The following IL22RA1 variants were observed in gnomAD, a reference collection of about 807,000 sequenced individuals.
The protein encoded by IL22RA1 is interleukin 22 receptor subunit alpha 1.
A neutral mutation model predicts 32.8 loss-of-function variants in IL22RA1; 25 were observed. That is an observed-to-expected ratio of 0.76 (90% CI 0.55 to 1.06). The LOEUF (loss-of-function observed/expected upper bound fraction) is 1.06, where lower values mean the gene tolerates loss of function less well. Ranked by LOEUF, IL22RA1 falls within the 50% of genes least tolerant of loss-of-function variation. The pLI is 0.00. For synonymous variants in IL22RA1, 305 were observed against 305.0 expected (o/e 1.00, Z 0.00); for missense variants, 709 against 727.4 (o/e 0.97, Z 0.29).
chr1:24,125,373 T>G (rs1020038318), intron 5 of IL22RA1, among the ~76,000 whole-genome samples: 1 of 152,168 alleles, frequency 6.6e-6, no homozygotes, highest in South Asian at 2.1e-4. Flanking sequence ...AGTTTCCTCA[T>G]CTGTAAGAGT....
intron 5 of IL22RA1, 85 bp downstream of exon 5, chr1:24,128,056 T>A: frequency 7.4e-7 from 1 of 1,351,864 alleles, no homozygotes; most frequent in Non-Finnish European, 9.9e-7. Context: ...TGTTGCCAAG[T>A]CTCACCTTGG....
chr1:24,131,896 A>G (rs1322852152), intron 4 of IL22RA1, among the ~76,000 whole-genome samples: 1 of 152,228 alleles, frequency 6.6e-6, no homozygotes, highest in Non-Finnish European at 1.5e-5. Context: ...ATTTAAAAGG[A>G]CTGAAATCAT....
At chr1:24,123,526 G>A in intron 5 of IL22RA1, 103 bp from the exon 6 acceptor site, 7 of 1,538,444 alleles carry the variant, frequency 4.6e-6, no homozygotes, top group Admixed American at 2.0e-5. Context: ...CTCTCTGGCT[G>A]GGCTGGCAAG....
At chr1:24,140,353 A>G (rs1192395494) in intron 1 of IL22RA1, among the ~76,000 whole-genome samples, 1 of 152,156 alleles carries the variant, frequency 6.6e-6, no homozygotes, top group African/African-American at 2.4e-5. Flanking sequence ...ACATGTGTTG[A>G]GTCTGAAGGG....
intron 4 of IL22RA1, among the ~76,000 whole-genome samples, chr1:24,132,316 A>G (rs745355307): frequency 4.0e-5 from 6 of 149,500 alleles, no homozygotes; most frequent in Non-Finnish European, 7.4e-5. Flanking sequence ...GTTTGGGACC[A>G]TGGTTTTTGT....
At chr1:24,126,351 G>A (rs1246172619) in intron 5 of IL22RA1, among the ~76,000 whole-genome samples, 1 of 152,216 alleles carries the variant, frequency 6.6e-6, no homozygotes, top group Admixed American at 6.5e-5. Context: ...GTTTGGAAAA[G>A]TGATGAGTTT....
Position 24,120,927 on chromosome 1 carries a change from A to G in IL22RA1, c.1603T>C (p.Ser535Pro). 1.2e-6 allele frequency: 2 copies of G among 1,614,028 alleles called. No individual in the cohort carries two copies. Among genetic ancestry groups the G allele is most frequent in the Non-Finnish European group, 1.7e-6 (2 of 1,179,984 alleles). ...GCTTCATCCTTGGGACACACAAGGGACTCCAGCAGGCCCCAGGGACTTGGA... is the reference window on the plus strand; with the variant it reads ...GCTTCATCCTTGGGACACACAAGGGGCTCCAGCAGGCCCCAGGGACTTGGA... ...QGPSPWGLLE[S>P]LVCPKDEAKS... The change falls in exon 7 of 7, where the codon TCC becomes CCC. Residue 535 changes from serine (S) to proline (P), a missense_variant. Ser to Pro is a moderately conservative substitution (Grantham distance 74, BLOSUM62 -1). Coordinates refer to ENST00000270800, the MANE Select transcript of IL22RA1 (RefSeq NM_021258.4).
At position 24,137,207 on chromosome 1, in the gene IL22RA1, A is replaced by C. The variant is rs1256581909; in HGVS notation, c.279T>G (p.Tyr93Ter). Residue 93 changes from tyrosine (Y) to a stop codon, truncating the protein, a stop_gained, in exon 3 of 7, where the codon TAT (tyrosine) becomes TAG (stop). Transcript: ENST00000270800. LOFTEE classifies it high-confidence loss of function. Reference sequence around the variant, plus strand: ...CCGCACTGACAGCGGTGACCCTGGCATAGTAGAGCTCCGTGAGGTTGCCCG... The same window carrying C: ...CCGCACTGACAGCGGTGACCCTGGCCTAGTAGAGCTCCGTGAGGTTGCCCG... ...VETGNLTELY[Y>*]ARVTAVSAGG... 1.2e-6 allele frequency: 2 copies of C among 1,614,170 alleles called. No homozygotes were observed. The highest frequency in any genetic ancestry group is 2.2e-5 in the South Asian group (2 of 91,086).
At position 24,120,618 on chromosome 1, in the gene IL22RA1, C is replaced by G. The variant is rs1009396983; in HGVS notation, c.*187G>C. Reference sequence around the variant, plus strand: ...CTCCCCCGCTGCAGTCCTTATCATGCTGCTTTGCTCCGGTGAGGAGCGCAC... The same window carrying G: ...CTCCCCCGCTGCAGTCCTTATCATGGTGCTTTGCTCCGGTGAGGAGCGCAC... On this transcript the variant is annotated 3_prime_UTR_variant, in exon 7 of 7. Coordinates refer to ENST00000270800, the MANE Select transcript of IL22RA1 (RefSeq NM_021258.4). 1 of 590,320 alleles carries G rather than the reference C, an allele frequency of 1.7e-6. No individual in the cohort carries two copies. Among genetic ancestry groups the G allele is most frequent in the South Asian group, 2.6e-5 (1 of 37,962 alleles). 36.6% of individuals were successfully genotyped at this position (590,320 alleles called of 1,614,324 possible).
intron 1 of IL22RA1, 95 bp from the exon 2 acceptor site, chr1:24,138,809 A>G (rs1201728768): frequency 6.9e-7 from 1 of 1,443,392 alleles, no homozygotes; most frequent in Non-Finnish European, 9.4e-7. Flanking sequence ...TATAAATTTC[A>G]TGCAAAGTGC....
At position 24,120,472 on chromosome 1, in the gene IL22RA1, T is replaced by G; in HGVS notation, c.*333A>C. On this transcript the variant is annotated 3_prime_UTR_variant, in exon 7 of 7. Coordinates refer to ENST00000270800, the MANE Select transcript of IL22RA1 (RefSeq NM_021258.4). The stretch of plus-strand genomic sequence containing the variant: ...AAATTCCCTGAGCACTTTGAATCCA[T>G]GGTGTTAGGAGGTGGGGCTCTGGAC... The G allele has an allele frequency of 1.3e-5, 3 of 239,974 alleles. No homozygotes were observed. Among genetic ancestry groups the G allele is most frequent in the Non-Finnish European group, 1.6e-5 (2 of 124,600 alleles). 14.9% of individuals were successfully genotyped at this position (239,974 alleles called of 1,614,324 possible). A position where few individuals can be genotyped will look rare whatever the true frequency, so the allele number is the denominator to read the frequency against.
At chr1:24,142,480 T>G (rs1341149707) in intron 1 of IL22RA1, among the ~76,000 whole-genome samples, 1 of 152,216 alleles carries the variant, frequency 6.6e-6, no homozygotes, top group African/African-American at 2.4e-5. Context: ...AAATGAGTCC[T>G]GTGTCTTAAG....
rs746947836 is a variant in IL22RA1, at chr1:24,123,440, G to A, written c.671-17C>T. On this transcript the variant is annotated splice_polypyrimidine_tract_variant and intron_variant, in intron 5 of 6. Coordinates refer to ENST00000270800, the MANE Select transcript of IL22RA1 (RefSeq NM_021258.4). The stretch of plus-strand genomic sequence containing the variant: ...ATGTCCGGTCTGGGAAACCAAAGGG[G>A]CCAGAGAAGGAAGCGTGAGGCTGGG... 7.4e-6 allele frequency: 12 copies of A among 1,610,752 alleles called. No individual in the cohort carries two copies. The highest frequency in any genetic ancestry group is 7.6e-6 in the Non-Finnish European group (9 of 1,178,616).
intron 3 of IL22RA1, 81 bp downstream of exon 3, chr1:24,137,050 G>T: frequency 7.2e-7 from 1 of 1,380,366 alleles, no homozygotes; most frequent in Non-Finnish European, 9.9e-7. Context: ...ACCCACTCCA[G>T]AGGGGAAGAG....
At chr1:24,133,664 T>G (rs1644221720) in intron 4 of IL22RA1, among the ~76,000 whole-genome samples, 1 of 152,204 alleles carries the variant, frequency 6.6e-6, no homozygotes, top group South Asian at 2.1e-4. Context: ...TTTTCTAATG[T>G]GAACATCTGA....
At chr1:24,123,544 C>A in intron 5 of IL22RA1, 121 bp from the exon 6 acceptor site, 1 of 1,512,270 alleles carries the variant, frequency 6.6e-7, no homozygotes, top group Non-Finnish European at 8.9e-7. Flanking sequence ...AAGGCCTCTC[C>A]TACCGTCAGA....
chr1:24,134,507 T>C (rs879288521), intron 3 of IL22RA1, 121 bp from the exon 4 acceptor site: 6 of 685,028 alleles, frequency 8.8e-6, no homozygotes, highest in Non-Finnish European at 1.3e-5. Context: ...GTGCCAGCTA[T>C]GCTTCTGAAA....
chr1:24,129,627 A>T (rs1330988798), intron 4 of IL22RA1, among the ~76,000 whole-genome samples: 1 of 152,164 alleles, frequency 6.6e-6, no homozygotes, highest in Non-Finnish European at 1.5e-5. Context: ...AAAGGGCCAG[A>T]ACCTGTGTTC....
intron 4 of IL22RA1, among the ~76,000 whole-genome samples, chr1:24,132,191 C>A (rs910164802): frequency 1.3e-5 from 2 of 152,146 alleles, no homozygotes; most frequent in Middle Eastern, 3.2e-3. Flanking sequence ...GCCTGGGTTG[C>A]TCACTAAAAT....
Sources: allele counts gnomAD v4.1 joint callset (sites outside exome capture counted in the v4.1 genomes callset), GRCh38; gene constraint gnomAD v4.1.1; transcripts MANE v1.5; gene names NCBI Gene and HGNC (gene_info 2026-07-23, HGNC 2026-07-21).